The following TMC1 variants were observed in gnomAD, a reference collection of about 807,000 sequenced individuals.
TMC1 encodes the protein transmembrane channel-like protein 1.
In TMC1, 84 loss-of-function variants were observed where a neutral mutation model predicts 105.8. That is an observed-to-expected ratio of 0.79 (90% CI 0.67 to 0.95). The LOEUF is 0.95. Ranked by LOEUF, TMC1 falls within the 40% of genes least tolerant of loss-of-function variation. TMC1 has a pLI of 0.00. For missense variants in TMC1, 817 were observed against 914.1 expected (o/e 0.89, Z 1.37); for synonymous variants, 315 against 311.5 (o/e 1.01, Z -0.12).
chr9:72,654,513 T>A (rs184995915), intron 5 of TMC1, among the ~76,000 whole-genome samples: 109 of 152,340 alleles, frequency 7.2e-4, no homozygotes, highest in African/African-American at 2.5e-3. Context: ...TTGTTCCATT[T>A]TAGTGGGTTT....
intron 4 of TMC1, among the ~76,000 whole-genome samples, chr9:72,638,739 C>T (rs1376420557): frequency 1.3e-5 from 2 of 152,100 alleles, no homozygotes; most frequent in African/African-American, 4.8e-5. Context: ...ATGGAGAGGG[C>T]TAGTGATGAC....
Position 72,789,187 on chromosome 9 carries a change from G to A in TMC1, c.1094G>A (p.Arg365Lys), listed in dbSNP as rs1211839569. ...EENVHLIRFL[R>K]FLANFFVFLT... ...AACGTCCACTTGATCAGATTCCTGA[G>A]GTTTCTGGCTAACTTCTTCGTGTTT... The change falls in exon 15 of 24, where the codon AGG (arginine) becomes AAG (lysine). Residue 365 changes from arginine to lysine, a missense_variant. By Grantham distance (26) the Arg-to-Lys change is conservative. Transcript: ENST00000297784. The A allele has an allele frequency of 6.2e-7, 1 of 1,613,764 alleles. No homozygotes were observed. Among genetic ancestry groups the A allele is most frequent in the Non-Finnish European group, 8.5e-7 (1 of 1,179,960 alleles).
chr9:72,733,396 CA>C (rs768101950), intron 8 of TMC1, among the ~76,000 whole-genome samples: 1 of 151,962 alleles, frequency 6.6e-6, no homozygotes. Context: ...CTCTCATGCT[CA>C]CTTACTAACA....
chr9:72,775,096 A>G (rs570748634), intron 13 of TMC1, among the ~76,000 whole-genome samples: 1 of 152,290 alleles, frequency 6.6e-6, no homozygotes, highest in Admixed American at 6.5e-5. Flanking sequence ...AAATTTTAAG[A>G]TAAGATGACT....
At chr9:72,756,934 G>A (rs555970881) in intron 12 of TMC1, among the ~76,000 whole-genome samples, 1 of 152,098 alleles carries the variant, frequency 6.6e-6, no homozygotes, top group Non-Finnish European at 1.5e-5. Flanking sequence ...AGAGGGAAAG[G>A]GTTTGGATGA....
chr9:72,764,022 G>T (rs761434329), intron 12 of TMC1, among the ~76,000 whole-genome samples: 1 of 152,182 alleles, frequency 6.6e-6, no homozygotes, highest in East Asian at 1.9e-4. Context: ...TAGATTAAAG[G>T]ATGAGCCATT....
At position 72,836,215 on chromosome 9, in the gene TMC1, C is replaced by A; in HGVS notation, c.*242C>A. On this transcript the variant is annotated 3_prime_UTR_variant, in exon 24 of 24. Coordinates refer to ENST00000297784, the MANE Select transcript of TMC1 (RefSeq NM_138691.3). ...AGCCACTCTCTCCCCTGCTCCATTT[C>A]GTGACTTTTTTTTTTTTTTTAACAA... 1 of 521,114 alleles carries A rather than the reference C, an allele frequency of 1.9e-6. No individual in the cohort carries two copies. Among genetic ancestry groups the A allele is most frequent in the South Asian group, 2.8e-5 (1 of 35,960 alleles). The allele number at this position is 521,114 out of a possible 1,614,324, so 32.3% of individuals were successfully genotyped here.
rs1385417020 is a variant in TMC1, at chr9:72,792,083, A to G, written c.1404+18A>G. The G allele has an allele frequency of 5.0e-6, 8 of 1,613,754 alleles. No homozygotes were observed. Among genetic ancestry groups the G allele is most frequent in the Non-Finnish European group, 5.9e-6 (7 of 1,179,856 alleles). On this transcript the variant is annotated intron_variant, in intron 16 of 23. Transcript: ENST00000297784. The stretch of plus-strand genomic sequence containing the variant: ...ACAACAAGGTAAGCCTTGTTTCTGG[A>G]TTGTCCTTGCCATAAGAGTGTTGTT...
At chr9:72,592,948 A>G (rs1332852348) in intron 2 of TMC1, among the ~76,000 whole-genome samples, 1 of 152,214 alleles carries the variant, frequency 6.6e-6, no homozygotes, top group Non-Finnish European at 1.5e-5. Context: ...TGCTGGAAGT[A>G]AGTGATACAA....
At chr9:72,590,098 C>T (rs1280937119) in intron 2 of TMC1, among the ~76,000 whole-genome samples, 1 of 152,196 alleles carries the variant, frequency 6.6e-6, no homozygotes, top group Non-Finnish European at 1.5e-5. Context: ...TGATTATTCA[C>T]TGACAGCTGC....
intron 6 of TMC1, among the ~76,000 whole-genome samples, chr9:72,691,771 G>A (rs1796990): frequency 0.51 from 77,811 of 151,894 alleles, 21,255 homozygotes; most frequent in African/African-American, 0.73. Context: ...AGCCTCCTGA[G>A]AAGTCTGAAC....
At chr9:72,691,087 C>T (rs949726730) in intron 6 of TMC1, among the ~76,000 whole-genome samples, 1 of 152,022 alleles carries the variant, frequency 6.6e-6, no homozygotes, top group Non-Finnish European at 1.5e-5. Flanking sequence ...TTTGCTTGAT[C>T]GAGTCTGCTG....
intron 18 of TMC1, among the ~76,000 whole-genome samples, chr9:72,815,924 G>A (rs191968500): frequency 1.1e-3 from 172 of 152,032 alleles, no homozygotes; most frequent in African/African-American, 4.0e-3. Flanking sequence ...TACTTTCATA[G>A]CATTGGATGA....
chr9:72,770,191 T>C (rs1827902507), intron 12 of TMC1, among the ~76,000 whole-genome samples: 1 of 151,898 alleles, frequency 6.6e-6, no homozygotes, highest in Admixed American at 6.6e-5. Flanking sequence ...ACTAGCTGTT[T>C]ATCCCCAAAT....
intron 7 of TMC1, among the ~76,000 whole-genome samples, chr9:72,699,775 G>A (rs561130499): frequency 6.6e-6 from 1 of 151,822 alleles, no homozygotes; most frequent in East Asian, 1.9e-4. Context: ...TGGCCAACGT[G>A]GTGAAACTCT....
At chr9:72,649,958 T>A (rs543889032) in intron 5 of TMC1, among the ~76,000 whole-genome samples, 1 of 151,374 alleles carries the variant, frequency 6.6e-6, no homozygotes, top group African/African-American at 2.5e-5. Flanking sequence ...TTAGAATGGA[T>A]TATTCCTGCT....
At position 72,785,153 on chromosome 9, in the gene TMC1, A is replaced by G. The variant is rs560779527; in HGVS notation, c.885-3186A>G. Among the ~76,000 whole-genome samples the G allele has an allele frequency of 7.2e-5, 11 of 152,348 alleles. No homozygotes were observed. In the South Asian group the frequency reaches 2.1e-3, roughly 29 times the overall value. Reference sequence around the variant, plus strand: ...ATTATCTGGGGGAAAAATAATTTACATTAGTAGCACCCTCTTGTCTTCAGG... The same window carrying G: ...ATTATCTGGGGGAAAAATAATTTACGTTAGTAGCACCCTCTTGTCTTCAGG... On this transcript the variant is annotated intron_variant, in intron 13 of 23. Transcript: ENST00000297784.
chr9:72,805,751 G>C (rs1370475405), intron 18 of TMC1, among the ~76,000 whole-genome samples: 1 of 151,664 alleles, frequency 6.6e-6, no homozygotes. Context: ...TGACTCTTAA[G>C]GAGCATGCTG....
chr9:72,587,101 T>C (rs1161292975), intron 2 of TMC1, among the ~76,000 whole-genome samples: 1 of 152,094 alleles, frequency 6.6e-6, no homozygotes, highest in Non-Finnish European at 1.5e-5. Context: ...CACAATAAAT[T>C]ATCTGGCCCA....
Sources: gnomAD v4.1 joint callset for allele counts (sites outside exome capture counted in the v4.1 genomes callset) on GRCh38, gnomAD v4.1.1 for gene constraint, MANE v1.5 for transcripts, NCBI Gene and HGNC (gene_info 2026-07-23, HGNC 2026-07-21) for gene names.